KIF1A: variants seen among roughly 807,000 people sequenced by gnomAD.
KIF1A encodes kinesin family member 1A.
A neutral mutation model predicts 227.3 loss-of-function variants in KIF1A; 46 were observed. The ratio of observed to expected loss-of-function variants is 0.20; its 90% CI spans 0.16 to 0.26. The LOEUF (loss-of-function observed/expected upper bound fraction) is 0.26, where lower values mean the gene tolerates loss of function less well. Ranked by LOEUF, KIF1A falls within the 10% of genes least tolerant of loss-of-function variation. The probability of loss-of-function intolerance (pLI) is 1.00; values close to 1 mark genes in which losing one functional copy is unlikely to be tolerated. For synonymous variants in KIF1A, 1,022 were observed against 1,012.8 expected (o/e 1.01, Z -0.17); for missense variants, 1,683 against 2,485.9 (o/e 0.68, Z 6.87).
intron 27 of KIF1A, among the ~76,000 whole-genome samples, chr2:240,751,396 AT>A (rs35660378): frequency 6.6e-6 from 1 of 152,164 alleles, no homozygotes; most frequent in Admixed American, 6.5e-5. Context: ...GGGGCCCTCG[AT>A]TCCAGAGCAG....
chr2:240,806,125 A>C (rs1301571407), intron 1 of KIF1A, among the ~76,000 whole-genome samples: 1 of 152,200 alleles, frequency 6.6e-6, no homozygotes, highest in Non-Finnish European at 1.5e-5. Flanking sequence ...CCCTGTGATC[A>C]CTCCAAATCT....
intron 1 of KIF1A, among the ~76,000 whole-genome samples, chr2:240,817,362 G>C (rs2058405694): frequency 6.6e-6 from 1 of 152,164 alleles, no homozygotes; most frequent in African/African-American, 2.4e-5. Flanking sequence ...TATTGTGGGT[G>C]GTGAGCCACA....
rs1270999962 is a variant in KIF1A at position 240,767,410 on chromosome 2, C to G, written c.1498-65G>C. 8 of 1,328,784 alleles carry G rather than the reference C, an allele frequency of 6.0e-6. No individual in the cohort carries two copies. The Admixed American group carries it at 9.0e-5, about 15-fold the overall frequency. The allele number at this position is 1,328,784 out of a possible 1,614,324, so 82.3% of individuals were successfully genotyped here. ...CAGGAGCCTGATGCTGGCCACACCC[C>G]CCTCCAACCTCTCTCCAGGCACCAG... is the stretch of plus-strand genomic sequence containing the variant. On this transcript the variant is annotated intron_variant, in intron 17 of 48. Coordinates refer to ENST00000498729, the MANE Select transcript of KIF1A (RefSeq NM_001244008.2).
Position 240,757,196 on chromosome 2 carries a change from C to A in KIF1A, c.2858+123G>T. The A allele has an allele frequency of 1.0e-6, 1 of 1,004,870 alleles. No individual in the cohort carries two copies. Among genetic ancestry groups the A allele is most frequent in the Non-Finnish European group, 1.5e-6 (1 of 681,470 alleles). 62.2% of individuals were successfully genotyped at this position (1,004,870 alleles called of 1,614,324 possible). On this transcript the variant is annotated intron_variant, in intron 27 of 48. Coordinates refer to ENST00000498729, the MANE Select transcript of KIF1A (RefSeq NM_001244008.2). The surrounding 1 kb of genome is among the most constrained non-coding windows in gnomAD (Gnocchi z 6.2). ...GCTCTCCTCAGGAGGCCAGCCCCTC[C>A]ACCTGCCTCGCCTGCCCTGGGAGGG...
At chr2:240,774,399 C>CT (rs1261101398) in intron 11 of KIF1A, 138 bp from the exon 12 acceptor site, 1 of 422,420 alleles carries the variant, frequency 2.4e-6, no homozygotes, top group Non-Finnish European at 4.2e-6. Context: ...TTACCCCCCC[C>CT]CCCACCCCCA....
intron 5 of KIF1A, 70 bp from the exon 6 acceptor site, chr2:240,786,583 T>C: frequency 6.9e-7 from 1 of 1,440,516 alleles, no homozygotes; most frequent in Non-Finnish European, 9.6e-7. Flanking sequence ...GGGGGACCCC[T>C]GAGTGAGGGG....
chr2:240,722,924 C>T (rs560757159), intron 42 of KIF1A, among the ~76,000 whole-genome samples: 12 of 152,310 alleles, frequency 7.9e-5, no homozygotes, highest in South Asian at 6.2e-4. Flanking sequence ...CCATCTCACG[C>T]GCCAGGTTCT....
rs2055827520 is a variant in KIF1A, at chr2:240,792,421, G to A, written c.107-3109C>T. Among the ~76,000 whole-genome samples, 1 of 152,016 alleles carries A rather than the reference G, an allele frequency of 6.6e-6. No individual in the cohort carries two copies. The highest frequency in any genetic ancestry group is 6.5e-5 in the Admixed American group (1 of 15,274). On this transcript the variant is annotated intron_variant, in intron 2 of 48. Coordinates refer to ENST00000498729, the MANE Select transcript of KIF1A (RefSeq NM_001244008.2). This position sits in a 1 kb window ranked among gnomAD's most constrained non-coding sequence, Gnocchi z 4.5. ...AGGCTCTGGCCAGGCCCCCAGAGCTGGGCCCCTCCAAGGCCGGCGAGGTGC... is the reference window on the plus strand; with the variant it reads ...AGGCTCTGGCCAGGCCCCCAGAGCTAGGCCCCTCCAAGGCCGGCGAGGTGC...
chr2:240,721,199 C>T (rs1202024289), intron 44 of KIF1A, among the ~76,000 whole-genome samples, 161 bp from the exon 45 acceptor site: 2 of 152,208 alleles, frequency 1.3e-5, no homozygotes, highest in African/African-American at 2.4e-5. Context: ...TCAAGACCCC[C>T]GGCCCCCTCC....
intron 15 of KIF1A, among the ~76,000 whole-genome samples, chr2:240,770,599 C>G (rs1306580656): frequency 6.6e-6 from 1 of 152,224 alleles, no homozygotes; most frequent in African/African-American, 2.4e-5. Flanking sequence ...ATTAAAGACT[C>G]GACAGGAAGA....
At chr2:240,800,790 G>C (rs2056897685) in intron 1 of KIF1A, among the ~76,000 whole-genome samples, 1 of 152,240 alleles carries the variant, frequency 6.6e-6, no homozygotes, top group Non-Finnish European at 1.5e-5. Context: ...ACAAAGATTT[G>C]AGTTCAGGGT....
At chr2:240,804,655 AC>A (rs2057234477) in intron 1 of KIF1A, among the ~76,000 whole-genome samples, 1 of 152,156 alleles carries the variant, frequency 6.6e-6, no homozygotes, top group South Asian at 2.1e-4. Context: ...AAGAAGGGAC[AC>A]GGGAATTAAT....
At chr2:240,735,097 T>C (rs1209690958) in intron 38 of KIF1A, among the ~76,000 whole-genome samples, 1 of 151,874 alleles carries the variant, frequency 6.6e-6, no homozygotes. Flanking sequence ...TGCCTGGGGG[T>C]GCCAGCAGAG....
At chr2:240,771,550 G>A (rs2051995191) in intron 14 of KIF1A, among the ~76,000 whole-genome samples, 1 of 152,138 alleles carries the variant, frequency 6.6e-6, no homozygotes, top group African/African-American at 2.4e-5. Context: ...CCACACCTGA[G>A]GGCTGGGAGC....
intron 27 of KIF1A, among the ~76,000 whole-genome samples, chr2:240,751,164 C>A (rs531824625): frequency 1.3e-5 from 2 of 152,198 alleles, no homozygotes; most frequent in East Asian, 3.8e-4. Flanking sequence ...GCACCAAGAT[C>A]CCCCTTTCCT....
At chr2:240,772,047 G>A (rs866634311) in intron 14 of KIF1A, among the ~76,000 whole-genome samples, 21 of 152,250 alleles carry the variant, frequency 1.4e-4, no homozygotes, top group African/African-American at 4.8e-4. Context: ...CAAAGGTTGG[G>A]TGGGATTTGG....
chr2:240,783,074 C>G lies in KIF1A; in HGVS notation c.834G>C (p.Leu278=). The change falls in exon 9 of 49, where the codon CTG becomes CTC. Residue 278 remains leucine (L), a synonymous_variant. Coordinates refer to ENST00000498729, the MANE Select transcript of KIF1A (RefSeq NM_001244008.2). ...GANINKSLTT[L]GKVISALAEM... The stretch of plus-strand genomic sequence containing the variant: ...CAGCCAGGGCGGAGATGACCTTGCC[C>G]AGGGTGGTCAGCGACTTGTTGATGT... 2 of 1,613,792 alleles carry G rather than the reference C, an allele frequency of 1.2e-6. No homozygotes were observed. Among genetic ancestry groups the G allele is most frequent in the Non-Finnish European group, 1.7e-6 (2 of 1,179,840 alleles).
chr2:240,717,934 G>A (rs2044752806), intron 48 of KIF1A, 116 bp downstream of exon 48: 3 of 733,190 alleles, frequency 4.1e-6, no homozygotes, highest in East Asian at 5.4e-5. Flanking sequence ...ATTGAGGGCA[G>A]GACCCCTGGG....
chr2:240,786,311 G>T, intron 6 of KIF1A, 24 bp downstream of exon 6: 1 of 1,609,392 alleles, frequency 6.2e-7, no homozygotes, highest in Non-Finnish European at 8.5e-7. Flanking sequence ...AGGGCAGGGA[G>T]GTCCAGTGAG....
Sources: gnomAD v4.1 joint callset for allele counts (sites outside exome capture counted in the v4.1 genomes callset) on GRCh38, gnomAD v4.1.1 for gene constraint, Gnocchi (gnomAD v3.1) non-coding constraint, MANE v1.5 for transcripts, NCBI Gene and HGNC (gene_info 2026-07-23, HGNC 2026-07-21) for gene names.